THADA: variants seen among roughly 807,000 people sequenced by gnomAD.
The protein encoded by THADA is tRNA (32-2'-O)-methyltransferase regulator THADA.
A neutral mutation model predicts 219.8 loss-of-function variants in THADA; 213 were observed. The ratio of observed to expected loss-of-function variants is 0.97; its 90% confidence interval spans 0.87 to 1.09. The LOEUF is 1.09. THADA is among the 50% of genes least tolerant of loss of function. The pLI is 0.00. For synonymous variants in THADA, 1,018 were observed against 828.9 expected (o/e 1.23, Z -3.92); for missense variants, 2,956 against 2,311.3 (o/e 1.28, Z -5.72).
chr2:43,542,459 A>G (rs1695451100), intron 20 of THADA, among the ~76,000 whole-genome samples: 1 of 152,096 alleles, frequency 6.6e-6, no homozygotes, highest in African/African-American at 2.4e-5. Flanking sequence ...TTGCAAGACA[A>G]TATCCCCACC....
At chr2:43,232,570 G>T in intron 37 of THADA, 143 bp downstream of exon 37, 1 of 871,094 alleles carries the variant, frequency 1.1e-6, no homozygotes, top group Non-Finnish European at 1.8e-6. Flanking sequence ...CGTGTCCTCG[G>T]CAGCACCCAG....
At chr2:43,485,994 G>A (rs761910682) in intron 25 of THADA, among the ~76,000 whole-genome samples, 6 of 152,048 alleles carry the variant, frequency 3.9e-5, no homozygotes, top group Non-Finnish European at 7.4e-5. Context: ...TCAGGCAGGA[G>A]GATTGCATAA....
intron 29 of THADA, among the ~76,000 whole-genome samples, chr2:43,394,932 G>A (rs904880812): frequency 1.3e-5 from 2 of 152,152 alleles, no homozygotes; most frequent in Non-Finnish European, 2.9e-5. Context: ...ACAACCCCAG[G>A]GTTCTAGGGT....
At chr2:43,557,625 T>C (rs1387021227) in intron 16 of THADA, among the ~76,000 whole-genome samples, 1 of 152,204 alleles carries the variant, frequency 6.6e-6, no homozygotes, top group Non-Finnish European at 1.5e-5. Flanking sequence ...CAGTTTGCTG[T>C]TGTAGTCATG....
At chr2:43,525,646 C>T (rs561841540) in intron 22 of THADA, among the ~76,000 whole-genome samples, 1 of 152,204 alleles carries the variant, frequency 6.6e-6, no homozygotes, top group African/African-American at 2.4e-5. Flanking sequence ...TCCCTTGTGA[C>T]CAGTTCATCT....
At chr2:43,487,973 C>A (rs1174284409) in intron 25 of THADA, among the ~76,000 whole-genome samples, 1 of 152,170 alleles carries the variant, frequency 6.6e-6, no homozygotes, top group African/African-American at 2.4e-5. Flanking sequence ...TCACGATATT[C>A]TATAGGCCTT....
At position 43,237,209 on chromosome 2, in the gene THADA, T is replaced by C. The variant is rs74613909; in HGVS notation, c.5297-4327A>G. Among the ~76,000 whole-genome samples the C allele has an allele frequency of 2.0e-3, 306 of 152,198 alleles. 3 individuals are homozygous for C. Among genetic ancestry groups the C allele is most frequent in the Admixed American group, 0.013 (191 of 15,274 alleles). On this transcript the variant is annotated intron_variant, in intron 36 of 37. Coordinates refer to ENST00000405975, the MANE Select transcript of THADA (RefSeq NM_022065.5). Reference sequence around the variant, plus strand: ...GTCCAGAAACACACCCTCACATTTATGGTCAAATGATTTTTGACAAGGGTA... The same window carrying C: ...GTCCAGAAACACACCCTCACATTTACGGTCAAATGATTTTTGACAAGGGTA...
At chr2:43,471,815 T>C (rs1020516911) in intron 26 of THADA, among the ~76,000 whole-genome samples, 1 of 152,218 alleles carries the variant, frequency 6.6e-6, no homozygotes, top group African/African-American at 2.4e-5. Context: ...TCTGTAATGA[T>C]TTTGTGCCTG....
Position 43,592,371 on chromosome 2 carries a change from C to G in THADA, c.22G>C (p.Glu8Gln), listed in dbSNP as rs1227549670. ...ATGGTCAGCGCAGCAACTTGCATTT[C>G]TTTCTTCTTCTTTACACCCATTTTA... MGVKKKKEMQVAALTICH... is the reference protein window; with the variant it reads MGVKKKKQMQVAALTICH... Residue 8 changes from glutamate (E) to glutamine (Q), a missense_variant, in exon 2 of 38, where the codon GAA becomes CAA. Coordinates refer to ENST00000405975, the MANE Select transcript of THADA (RefSeq NM_022065.5). 2 of 1,604,810 alleles carry G rather than the reference C, an allele frequency of 1.2e-6. No homozygotes were observed. The highest frequency in any genetic ancestry group is 1.7e-6 in the Non-Finnish European group (2 of 1,175,352).
intron 4 of THADA, among the ~76,000 whole-genome samples, chr2:43,588,170 G>C (rs1701198069): frequency 6.6e-6 from 1 of 151,912 alleles, no homozygotes. Flanking sequence ...CCAAATATGT[G>C]GGCAAAGATG....
intron 19 of THADA, among the ~76,000 whole-genome samples, chr2:43,551,236 A>C (rs888090469): frequency 6.6e-6 from 1 of 152,208 alleles, no homozygotes; most frequent in African/African-American, 2.4e-5. Flanking sequence ...TCAACACCAA[A>C]CATAAATATA....
chr2:43,341,664 T>A (rs1162425768), intron 30 of THADA, among the ~76,000 whole-genome samples: 1 of 152,154 alleles, frequency 6.6e-6, no homozygotes, highest in Non-Finnish European at 1.5e-5. Context: ...TACAGCACTT[T>A]AAGAACTAGA....
chr2:43,283,527 G>A (rs1673621875), intron 35 of THADA, among the ~76,000 whole-genome samples: 3 of 152,226 alleles, frequency 2.0e-5, no homozygotes, highest in Admixed American at 6.5e-5. Context: ...CCAGACTGAG[G>A]TGCTCTCAGA....
At chr2:43,402,257 T>G (rs890797315) in intron 28 of THADA, among the ~76,000 whole-genome samples, 5 of 152,174 alleles carry the variant, frequency 3.3e-5, no homozygotes, top group Non-Finnish European at 7.3e-5. Flanking sequence ...TACAGCCTGC[T>G]CATCACAAAT....
intron 36 of THADA, among the ~76,000 whole-genome samples, chr2:43,243,789 G>A (rs1305691322): frequency 2.0e-5 from 3 of 152,188 alleles, no homozygotes; most frequent in African/African-American, 7.2e-5. Context: ...AAAATTCTAA[G>A]AATTTGCCTT....
At chr2:43,530,637 C>T (rs1194012721) in intron 21 of THADA, among the ~76,000 whole-genome samples, 1 of 152,164 alleles carries the variant, frequency 6.6e-6, no homozygotes, top group African/African-American at 2.4e-5. Context: ...GATATTAAAA[C>T]ATACTTCAGG....
chr2:43,357,966 C>G (rs923874504), intron 29 of THADA, among the ~76,000 whole-genome samples: 1 of 152,072 alleles, frequency 6.6e-6, no homozygotes, highest in Admixed American at 6.5e-5. Context: ...GTCAGTGTAC[C>G]TTTCACTCAG....
intron 36 of THADA, among the ~76,000 whole-genome samples, chr2:43,267,646 G>C (rs903155556): frequency 1.8e-4 from 28 of 152,252 alleles, no homozygotes; most frequent in Admixed American, 8.5e-4. Flanking sequence ...CTGCCTTCCG[G>C]CTCACCAGAT....
intron 28 of THADA, among the ~76,000 whole-genome samples, chr2:43,406,780 C>T (rs1003450433): frequency 3.9e-5 from 6 of 152,226 alleles, no homozygotes; most frequent in African/African-American, 1.4e-4. Context: ...CAATGAGCCA[C>T]ACTCTGGTCT....
Sources: allele counts gnomAD v4.1 joint callset (sites outside exome capture counted in the v4.1 genomes callset), GRCh38; gene constraint gnomAD v4.1.1; transcripts MANE v1.5; gene names NCBI Gene and HGNC (gene_info 2026-07-23, HGNC 2026-07-21).